The following JARID2 variants were observed in gnomAD, a reference collection of about 807,000 sequenced individuals.
The protein encoded by JARID2 is protein Jumonji.
A neutral mutation model predicts 125.6 loss-of-function variants in JARID2; 21 were observed. That is an observed-to-expected ratio of 0.17 (90% CI 0.12 to 0.24). The LOEUF (loss-of-function observed/expected upper bound fraction) is 0.24. Among genes scored for constraint, JARID2 ranks in the 10% least tolerant of loss-of-function variants. JARID2 has a pLI of 1.00. For missense variants in JARID2, 1,303 were observed against 1,639.6 expected (o/e 0.79, Z 3.55); for synonymous variants, 736 against 661.6 (o/e 1.11, Z -1.73).
At chr6:15,460,475 A>G (rs184203775) in intron 4 of JARID2, among the ~76,000 whole-genome samples, 19 of 152,260 alleles carry the variant, frequency 1.2e-4, no homozygotes, top group Admixed American at 2.6e-4. Flanking sequence ...CTTAGAGAAC[A>G]TGGAAATAAG....
At chr6:15,426,050 TTC>T (rs1766711902) in intron 3 of JARID2, among the ~76,000 whole-genome samples, 1 of 152,138 alleles carries the variant, frequency 6.6e-6, no homozygotes, top group Non-Finnish European at 1.5e-5. Flanking sequence ...CTGTACCTGT[TTC>T]TGTGAACATG....
At chr6:15,492,404 C>T (rs1207331562) in intron 6 of JARID2, among the ~76,000 whole-genome samples, 3 of 152,182 alleles carry the variant, frequency 2.0e-5, no homozygotes, top group Non-Finnish European at 4.4e-5. Context: ...TTGTAGTGCA[C>T]TGGCTGCATA....
chr6:15,382,778 A>G (rs1469292034), intron 2 of JARID2, among the ~76,000 whole-genome samples: 1 of 152,220 alleles, frequency 6.6e-6, no homozygotes, highest in Admixed American at 6.5e-5. Flanking sequence ...AGCGTTAAGA[A>G]TGGAGGTGCC....
chr6:15,426,147 A>G (rs1017320062), intron 3 of JARID2, among the ~76,000 whole-genome samples: 5 of 152,148 alleles, frequency 3.3e-5, no homozygotes, highest in Admixed American at 1.3e-4. Context: ...GACAGCAGCT[A>G]CTTGAGACCT....
At chr6:15,269,021 G>A (rs1468062355) in intron 1 of JARID2, among the ~76,000 whole-genome samples, 1 of 152,148 alleles carries the variant, frequency 6.6e-6, no homozygotes, top group Non-Finnish European at 1.5e-5. Context: ...AAATTTAAAG[G>A]CCTACTTGTC....
rs1456085633 is a variant in JARID2, at chr6:15,469,345, C to CTT, written c.670+628_670+629insTT. Among the ~76,000 whole-genome samples, 39 of 15,054 alleles carry CTT rather than the reference C, an allele frequency of 2.6e-3. 1 individual carries two copies. The highest frequency in any genetic ancestry group is 7.5e-3 in the Admixed American group (7 of 938). The allele number at this position is 15,054 out of a possible 152,430, so 9.9% of individuals were successfully genotyped here. On this transcript the variant is annotated intron_variant, in intron 5 of 17. Transcript: ENST00000341776. ...CTCTCTCTCTCTCTCTCCTGTCTCTCTCTCTCTCTCTCTCTCCTCCCCTTC... is the reference window on the plus strand; with the variant it reads ...CTCTCTCTCTCTCTCTCCTGTCTCTCTTTCTCTCTCTCTCTCTCCTCCCCTTC...
At chr6:15,357,928 T>A (rs1334824517) in intron 1 of JARID2, among the ~76,000 whole-genome samples, 1 of 152,232 alleles carries the variant, frequency 6.6e-6, no homozygotes, top group Non-Finnish European at 1.5e-5. Flanking sequence ...TCTTCTGAGT[T>A]TACTGTTGTC....
At chr6:15,506,170 A>AG in intron 9 of JARID2, among the ~76,000 whole-genome samples, 1 of 152,372 alleles carries the variant, frequency 6.6e-6, no homozygotes, top group South Asian at 2.1e-4. Context: ...ATTCCAAAAA[A>AG]GGCTGGTGGA....
At chr6:15,317,345 G>GTGGTTA (rs1488174308) in intron 1 of JARID2, among the ~76,000 whole-genome samples, 2 of 152,178 alleles carry the variant, frequency 1.3e-5, no homozygotes, top group Non-Finnish European at 2.9e-5. Flanking sequence ...ATTTCCTGAG[G>GTGGTTA]TGGTTATGGT....
At chr6:15,454,082 G>T (rs905617621) in intron 4 of JARID2, among the ~76,000 whole-genome samples, 2 of 152,144 alleles carry the variant, frequency 1.3e-5, no homozygotes, top group Non-Finnish European at 2.9e-5. Flanking sequence ...ACTAAGGGAG[G>T]TTCATGTGCA....
At chr6:15,422,536 C>T (rs1346151212) in intron 3 of JARID2, among the ~76,000 whole-genome samples, 1 of 152,172 alleles carries the variant, frequency 6.6e-6, no homozygotes, top group Non-Finnish European at 1.5e-5. Flanking sequence ...GGAGGCTGCA[C>T]ATGCTGCTCA....
intron 3 of JARID2, among the ~76,000 whole-genome samples, chr6:15,440,939 G>A (rs372911439): frequency 2.6e-5 from 4 of 152,128 alleles, no homozygotes; most frequent in African/African-American, 9.7e-5. Context: ...ACTTCACTCC[G>A]CATTTTTGTT....
At chr6:15,512,465 C>A in intron 14 of JARID2, 75 bp downstream of exon 14, 1 of 1,348,108 alleles carries the variant, frequency 7.4e-7, no homozygotes, top group Non-Finnish European at 1.1e-6. Context: ...CACACAGAAG[C>A]ATCCCTGCGT....
chr6:15,361,296 C>T (rs1488357111), intron 1 of JARID2, among the ~76,000 whole-genome samples: 2 of 152,172 alleles, frequency 1.3e-5, no homozygotes, highest in Non-Finnish European at 2.9e-5. Flanking sequence ...TGTTTTTCCA[C>T]ACCACTGTCC....
chr6:15,276,829 G>A (rs1760540605), intron 1 of JARID2, among the ~76,000 whole-genome samples: 1 of 152,102 alleles, frequency 6.6e-6, no homozygotes. Context: ...TGACTGTTGA[G>A]TCATTACATT....
chr6:15,285,225 C>G (rs1760952051), intron 1 of JARID2, among the ~76,000 whole-genome samples: 1 of 151,282 alleles, frequency 6.6e-6, no homozygotes, highest in Non-Finnish European at 1.5e-5. Flanking sequence ...ATTCTCTTGC[C>G]TCAGCCTCCT....
At chr6:15,450,124 T>C (rs1211938814) in intron 3 of JARID2, among the ~76,000 whole-genome samples, 1 of 152,156 alleles carries the variant, frequency 6.6e-6, no homozygotes, top group Non-Finnish European at 1.5e-5. Flanking sequence ...CCCAACCATG[T>C]CTTTAAGGGA....
intron 1 of JARID2, among the ~76,000 whole-genome samples, chr6:15,297,341 G>A (rs1761451208): frequency 6.6e-6 from 1 of 151,770 alleles, no homozygotes; most frequent in Non-Finnish European, 1.5e-5. Context: ...GTAGAGACGG[G>A]GTTTTATCGT....
intron 1 of JARID2, among the ~76,000 whole-genome samples, chr6:15,362,660 G>A (rs1160046271): frequency 1.3e-5 from 2 of 152,166 alleles, no homozygotes; most frequent in African/African-American, 4.8e-5. Context: ...TTTCTTCTGA[G>A]ATTCTGGGGA....
Sources: allele counts gnomAD v4.1 joint callset (sites outside exome capture counted in the v4.1 genomes callset), GRCh38; gene constraint gnomAD v4.1.1; transcripts MANE v1.5; gene names NCBI Gene and HGNC (gene_info 2026-07-23, HGNC 2026-07-21).